The following SCD5 variants were observed in gnomAD, a reference collection of about 807,000 sequenced individuals.
SCD5 encodes the protein stearoyl-CoA desaturase 5.
SCD5 carries 20 observed loss-of-function variants against 30.4 expected under a neutral mutation model. The ratio of observed to expected loss-of-function variants is 0.66; its 90% CI spans 0.46 to 0.96. SCD5 has a LOEUF of 0.96. SCD5 is among the 40% of genes least tolerant of loss of function. SCD5 has a pLI of 0.00. For synonymous variants in SCD5, 173 were observed against 176.4 expected, an observed-to-expected ratio of 0.98 and a Z score of 0.16; for missense variants, 381 against 443.3, an observed-to-expected ratio of 0.86 and a Z score of 1.26.
intron 3 of SCD5, among the ~76,000 whole-genome samples, chr4:82,666,547 G>A (rs1728195310): frequency 6.6e-6 from 1 of 151,950 alleles, no homozygotes; most frequent in South Asian, 2.1e-4. Context: ...GAAAGAAAAT[G>A]TCCAGTGTAG....
chr4:82,674,155 T>A (rs1728387648), intron 3 of SCD5, among the ~76,000 whole-genome samples: 1 of 152,172 alleles, frequency 6.6e-6, no homozygotes, highest in Non-Finnish European at 1.5e-5. Flanking sequence ...CTGGACATCA[T>A]TAAAATTTAA....
chr4:82,747,069 G>GCCCCCCCCCCCCCCCCCCCCC (rs151046123), intron 1 of SCD5, among the ~76,000 whole-genome samples: 2 of 139,686 alleles, frequency 1.4e-5, no homozygotes, highest in Admixed American at 7.2e-5. Flanking sequence ...TGGGCAACCT[G>GCCCCCCCCCCCCCCCCCCCCC]CCCCCCAAGA....
At chr4:82,697,200 C>T (rs1719714930) in intron 2 of SCD5, among the ~76,000 whole-genome samples, 1 of 152,212 alleles carries the variant, frequency 6.6e-6, no homozygotes, top group Admixed American at 6.5e-5. Flanking sequence ...ATGCGGAATT[C>T]ACCTTCAAAA....
chr4:82,791,977 G>T (rs1038612745), intron 1 of SCD5, among the ~76,000 whole-genome samples: 24 of 152,052 alleles, frequency 1.6e-4, no homozygotes, highest in African/African-American at 5.6e-4. Context: ...GCTGTGCCTG[G>T]CCGGGCACGC....
chr4:82,784,692 G>GC (rs1024842606), intron 1 of SCD5, among the ~76,000 whole-genome samples: 2 of 151,320 alleles, frequency 1.3e-5, no homozygotes, highest in African/African-American at 4.9e-5. Flanking sequence ...ATAACAGACT[G>GC]TTTTTTTTTA....
intron 2 of SCD5, among the ~76,000 whole-genome samples, chr4:82,688,312 G>A (rs370275359): frequency 7.9e-5 from 12 of 152,206 alleles, no homozygotes; most frequent in East Asian, 5.8e-4. Flanking sequence ...GTGTGCGTGC[G>A]TGTGGTGTGT....
intron 3 of SCD5, among the ~76,000 whole-genome samples, chr4:82,671,440 A>G (rs780855685): frequency 2.6e-5 from 4 of 152,208 alleles, no homozygotes; most frequent in African/African-American, 9.7e-5. Flanking sequence ...CAGAATATGC[A>G]TTCTTCTCAA....
chr4:82,750,924 C>G lies in SCD5; in HGVS notation c.233-45511G>C, dbSNP rs1281285199. On this transcript the variant is annotated intron_variant, in intron 1 of 4. Transcript: ENST00000319540. Reference sequence around the variant, plus strand: ...ACTAGTGAAACATTCAGCAAGTCAGCCCAGGCTAGGCTGGTTTCTTGGTTA... The same window carrying G: ...ACTAGTGAAACATTCAGCAAGTCAGGCCAGGCTAGGCTGGTTTCTTGGTTA... Among the ~76,000 whole-genome samples the G allele has an allele frequency of 1.3e-5, 2 of 152,164 alleles. 1 individual carries two copies. The highest frequency in any genetic ancestry group is 3.9e-4 in the East Asian group (2 of 5,192).
At chr4:82,690,010 A>C (rs934522350) in intron 2 of SCD5, among the ~76,000 whole-genome samples, 82 of 152,356 alleles carry the variant, frequency 5.4e-4, no homozygotes, top group African/African-American at 2.0e-3. Context: ...CATAAAATTA[A>C]AAAAACAAGG....
Position 82,647,737 on chromosome 4 carries a change from TA to T in SCD5, c.570-10915del, listed in dbSNP as rs557667566. Among the ~76,000 whole-genome samples the T allele has an allele frequency of 6.1e-5, 9 of 148,348 alleles. No homozygotes were observed. In the South Asian group the frequency reaches 1.9e-3, roughly 32 times the overall value. On this transcript the variant is annotated intron_variant, in intron 3 of 4. Transcript: ENST00000319540. ...TGCATTATTTGATGTCCCTTCAGTA[TA>T]ACCGTGCTGTAAAAACTCCGGAAGA...
chr4:82,739,506 G>A (rs1455753197), intron 1 of SCD5, among the ~76,000 whole-genome samples: 1 of 152,274 alleles, frequency 6.6e-6, no homozygotes, highest in East Asian at 1.9e-4. Flanking sequence ...CTGCCCTGGA[G>A]GGAGGTCGTG....
intron 1 of SCD5, among the ~76,000 whole-genome samples, chr4:82,715,839 T>C (rs1578034822): frequency 6.6e-6 from 1 of 151,604 alleles, no homozygotes; most frequent in Non-Finnish European, 1.5e-5. Flanking sequence ...AACTGAATGG[T>C]TTGGGGAAGG....
chr4:82,686,963 G>GATC (rs1447365054), intron 2 of SCD5, among the ~76,000 whole-genome samples: 1 of 152,088 alleles, frequency 6.6e-6, no homozygotes, highest in African/African-American at 2.4e-5. Flanking sequence ...TTGAGATCAG[G>GATC]AGTTTGAGAC....
chr4:82,755,239 C>A (rs913498375), intron 1 of SCD5, among the ~76,000 whole-genome samples: 4 of 152,162 alleles, frequency 2.6e-5, no homozygotes, highest in Admixed American at 2.0e-4. Context: ...GTGGCTCATG[C>A]CTGTAATCCC....
chr4:82,761,070 T>C (rs1017044933), intron 1 of SCD5, among the ~76,000 whole-genome samples: 1 of 152,220 alleles, frequency 6.6e-6, no homozygotes, highest in Non-Finnish European at 1.5e-5. Context: ...GCATGATGGA[T>C]GCTTTTGACA....
At chr4:82,676,916 G>C (rs1022486006) in intron 3 of SCD5, among the ~76,000 whole-genome samples, 1 of 152,204 alleles carries the variant, frequency 6.6e-6, no homozygotes, top group Admixed American at 6.5e-5. Flanking sequence ...GACAGCCTTC[G>C]TAAGATTATC....
chr4:82,663,141 C>A (rs1195715523), intron 3 of SCD5, among the ~76,000 whole-genome samples: 1 of 152,082 alleles, frequency 6.6e-6, no homozygotes, highest in African/African-American at 2.4e-5. Flanking sequence ...GTTAAGGTCA[C>A]AAGGCAACTA....
intron 2 of SCD5, among the ~76,000 whole-genome samples, chr4:82,685,088 T>A (rs1728671966): frequency 6.6e-6 from 1 of 152,232 alleles, no homozygotes; most frequent in African/African-American, 2.4e-5. Flanking sequence ...TACTCTGCAA[T>A]CCATTAAAAG....
chr4:82,766,707 A>G (rs1449542175), intron 1 of SCD5, among the ~76,000 whole-genome samples: 2 of 152,174 alleles, frequency 1.3e-5, no homozygotes, highest in African/African-American at 2.4e-5. Flanking sequence ...TTGTGTTCCT[A>G]TAAAGATTGT....
Sources: allele counts gnomAD v4.1 joint callset (sites outside exome capture counted in the v4.1 genomes callset), GRCh38; gene constraint gnomAD v4.1.1; transcripts MANE v1.5; gene names NCBI Gene and HGNC (gene_info 2026-07-23, HGNC 2026-07-21).